Variants in ABLIM2 observed in about 807,000 individuals in gnomAD.
The protein encoded by ABLIM2 is actin-binding LIM protein 2.
In ABLIM2, 53 loss-of-function variants were observed where a neutral mutation model predicts 97.7. The observed-to-expected ratio is 0.54, with a 90% CI of 0.44 to 0.68. ABLIM2 has a LOEUF of 0.68. Among genes scored for constraint, ABLIM2 ranks in the 30% least tolerant of loss-of-function variants. The pLI is 0.00. For missense variants in ABLIM2, 835 were observed against 867.2 expected (o/e 0.96, Z 0.47); for synonymous variants, 361 against 345.8 (o/e 1.04, Z -0.49).
chr4:8,077,789 C>T (rs1303738598), intron 5 of ABLIM2, 68 bp from the exon 6 acceptor site: 2 of 1,368,608 alleles, frequency 1.5e-6, no homozygotes, highest in Non-Finnish European at 2.0e-6. Context: ...TAACAACCCT[C>T]ACCAACAAGA....
At position 8,001,776 on chromosome 4, in the gene ABLIM2, C is replaced by A. The variant is rs947102930; in HGVS notation, c.1618+6283G>T. Among the ~76,000 whole-genome samples the A allele has an allele frequency of 2.6e-5, 4 of 152,146 alleles. No homozygotes were observed. Among genetic ancestry groups the A allele is most frequent in the Non-Finnish European group, 4.4e-5 (3 of 68,024 alleles). On this transcript the variant is annotated intron_variant, in intron 16 of 20. Transcript: ENST00000447017. This position sits in a 1 kb window ranked among gnomAD's most constrained non-coding sequence, Gnocchi z 4.2. ...TCCACGCCCTTTCTGCAGGATCAGC[C>A]CTGCTGGCTGCCCCCTTCCCCACTT...
In ABLIM2 at chr4:8,058,266, A is replaced by C. The variant is rs925160787; in HGVS notation, c.763+2701T>G. 2.6e-5 allele frequency among the ~76,000 whole-genome samples: 4 copies of C among 152,216 alleles called. No homozygotes were observed. The highest frequency in any genetic ancestry group is 5.9e-5 in the Non-Finnish European group (4 of 68,032). ...AGCCTGGCACTGCTGGGACGGTCCC[A>C]AAGGACCCTTTGACGGGCTCTCGAG... On this transcript the variant is annotated intron_variant, in intron 7 of 20. Transcript: ENST00000447017. The surrounding 1 kb of genome is among the most constrained non-coding windows in gnomAD (Gnocchi z 4.2).
intron 3 of ABLIM2, among the ~76,000 whole-genome samples, 183 bp downstream of exon 3, chr4:8,096,916 G>T (rs1284770392): frequency 2.6e-5 from 4 of 152,224 alleles, no homozygotes; most frequent in African/African-American, 9.6e-5. Flanking sequence ...GGAGCTCCCT[G>T]TGAGGAGGCC....
chr4:8,077,512 T>A (rs1577269534), intron 6 of ABLIM2, 116 bp downstream of exon 6: 2 of 1,041,928 alleles, frequency 1.9e-6, no homozygotes, highest in East Asian at 5.3e-5. Context: ...AATAGGGAGG[T>A]GAAGCTGCAG....
In ABLIM2 at chr4:8,094,766, T is replaced by C. The variant is rs115266908; in HGVS notation, c.338+2333A>G. ...ATATGAGGGGTGGTCTCCTCCCTTA[T>C]TGCTACTGACTTTTCTTCTGGCTTT... On this transcript the variant is annotated intron_variant, in intron 3 of 20. Transcript: ENST00000447017. Among the ~76,000 whole-genome samples the C allele has an allele frequency of 4.0e-3, 612 of 152,352 alleles. 4 individuals are homozygous for C. Among genetic ancestry groups the C allele is most frequent in the African/African-American group, 0.012 (491 of 41,572 alleles).
At chr4:8,111,402 C>T (rs1379677736) in intron 1 of ABLIM2, among the ~76,000 whole-genome samples, 6 of 152,176 alleles carry the variant, frequency 3.9e-5, no homozygotes, top group Non-Finnish European at 5.9e-5. Context: ...GGTGGATCCA[C>T]GACACTGTAC....
Position 8,039,630 on chromosome 4 carries a change from C to A in ABLIM2, c.901-3335G>T, listed in dbSNP as rs138376754. On this transcript the variant is annotated intron_variant, in intron 9 of 20. Coordinates refer to ENST00000447017, the MANE Select transcript of ABLIM2 (RefSeq NM_001130083.2). ...TAATACACACTAATATGGCCACTTA[C>A]AACAGTATCATTACCATATAACCCA... Among the ~76,000 whole-genome samples the A allele has an allele frequency of 5.3e-3, 806 of 152,296 alleles. 2 individuals are homozygous for A. Among genetic ancestry groups the A allele is most frequent in the Non-Finnish European group, 8.5e-3 (575 of 68,026 alleles).
At position 8,024,191 on chromosome 4, in the gene ABLIM2, G is replaced by T. The variant is rs532020042; in HGVS notation, c.1267+3568C>A. The stretch of plus-strand genomic sequence containing the variant: ...CCTTCTCAGGCCAGGGGTTCAGAGT[G>T]GGCCCACCGCTCAGCACATGGAGGC... On this transcript the variant is annotated intron_variant, in intron 12 of 20. Transcript: ENST00000447017. Among the ~76,000 whole-genome samples the T allele has an allele frequency of 3.2e-3, 483 of 152,268 alleles. 1 individual carries two copies. Among genetic ancestry groups the T allele is most frequent in the Non-Finnish European group, 5.9e-3 (401 of 68,016 alleles).
At chr4:8,041,321 C>T (rs1788333157) in intron 9 of ABLIM2, 1 of 152,300 alleles carries the variant, frequency 6.6e-6, no homozygotes, top group African/African-American at 2.4e-5. Context: ...GGCTGGGTCC[C>T]CAGGGCTCCA....
At chr4:8,030,414 G>A (rs758005770) in intron 10 of ABLIM2, among the ~76,000 whole-genome samples, 2 of 152,166 alleles carry the variant, frequency 1.3e-5, no homozygotes, top group African/African-American at 2.4e-5. Context: ...ATGCTGTCCC[G>A]GGTCATTACA....
rs74866293 is a variant in ABLIM2 at position 8,022,937 on chromosome 4, C to T, written c.1268-2634G>A. ...CCTCCTCCACTTTTTCCTCTTCCTCCTCCTCCTCCTCTTCTTTTTCCTCTT... is the reference window on the plus strand; with the variant it reads ...CCTCCTCCACTTTTTCCTCTTCCTCTTCCTCCTCCTCTTCTTTTTCCTCTT... On this transcript the variant is annotated intron_variant, in intron 12 of 20. Coordinates refer to ENST00000447017, the MANE Select transcript of ABLIM2 (RefSeq NM_001130083.2). This position sits in a 1 kb window ranked among gnomAD's most constrained non-coding sequence, Gnocchi z 7.8. The T allele has an allele frequency of 8.7e-5, 13 of 149,334 alleles. No individual in the cohort carries two copies. In the East Asian group the frequency reaches 2.3e-3, roughly 26 times the overall value. 9.3% of individuals were successfully genotyped at this position (149,334 alleles called of 1,614,324 possible).
chr4:8,073,904 T>C (rs1474832402), intron 6 of ABLIM2, among the ~76,000 whole-genome samples: 1 of 150,656 alleles, frequency 6.6e-6, no homozygotes, highest in Non-Finnish European at 1.5e-5. Flanking sequence ...CCTGCCAACA[T>C]GGTGACATTC....
At chr4:8,080,033 C>T (rs1202101032) in intron 5 of ABLIM2, among the ~76,000 whole-genome samples, 1 of 152,214 alleles carries the variant, frequency 6.6e-6, no homozygotes, top group Non-Finnish European at 1.5e-5. Context: ...AGGGTTAAAA[C>T]CGACCCCCAG....
chr4:8,036,393 C>T (rs1212659717), intron 9 of ABLIM2, 98 bp from the exon 10 acceptor site: 4 of 1,439,372 alleles, frequency 2.8e-6, no homozygotes, highest in Non-Finnish European at 3.8e-6. Flanking sequence ...ACAGTGCCCC[C>T]AAAGCCAGAT....
At chr4:8,064,949 A>C (rs1806052564) in intron 6 of ABLIM2, among the ~76,000 whole-genome samples, 1 of 152,248 alleles carries the variant, frequency 6.6e-6, no homozygotes, top group Non-Finnish European at 1.5e-5. Flanking sequence ...AACGATTAGA[A>C]GAAAACATGC....
At position 8,005,902 on chromosome 4, in the gene ABLIM2, C is replaced by T. The variant is rs991676724; in HGVS notation, c.1618+2157G>A. On this transcript the variant is annotated intron_variant, in intron 16 of 20. Transcript: ENST00000447017. The surrounding 1 kb of genome is among the most constrained non-coding windows in gnomAD (Gnocchi z 4.9). ...TGGAGCAGAATCTCCCCGGGGAATT[C>T]ATGAGTGCAGCACGGGCCATTGGAG... 2.0e-5 allele frequency among the ~76,000 whole-genome samples: 3 copies of T among 152,206 alleles called. No individual in the cohort carries two copies. Among genetic ancestry groups the T allele is most frequent in the African/African-American group, 7.2e-5 (3 of 41,454 alleles).
chr4:8,020,371 C>A, intron 12 of ABLIM2, 68 bp from the exon 13 acceptor site: 1 of 1,399,876 alleles, frequency 7.1e-7, no homozygotes, highest in Middle Eastern at 1.7e-4. Context: ...ATATTTCAAG[C>A]ATGAAAAGCT....
intron 1 of ABLIM2, among the ~76,000 whole-genome samples, chr4:8,108,778 G>A (rs1838777695): frequency 6.6e-6 from 1 of 152,240 alleles, no homozygotes; most frequent in African/African-American, 2.4e-5. Context: ...GCCTGTGTGG[G>A]CAACTCCCTT....
At chr4:8,060,820 G>A in intron 7 of ABLIM2, 147 bp downstream of exon 7, 1 of 652,554 alleles carries the variant, frequency 1.5e-6, no homozygotes, top group Non-Finnish European at 2.7e-6. Flanking sequence ...CCACCGCCCT[G>A]CCCTGCCGGC....
Sources: allele counts gnomAD v4.1 joint callset (sites outside exome capture counted in the v4.1 genomes callset), GRCh38; gene constraint gnomAD v4.1.1; non-coding constraint Gnocchi (gnomAD v3.1); transcripts MANE v1.5; gene names NCBI Gene and HGNC (gene_info 2026-07-23, HGNC 2026-07-21).